MAP6: variants seen among roughly 807,000 people sequenced by gnomAD.
MAP6 encodes microtubule associated protein 6, also known as microtubule-associated protein 6.
A neutral mutation model predicts 42.4 loss-of-function variants in MAP6; 26 were observed. That is an observed-to-expected ratio of 0.61 (90% CI 0.45 to 0.85). The LOEUF (loss-of-function observed/expected upper bound fraction) is 0.85. MAP6 is among the 40% of genes least tolerant of loss of function. The probability of loss-of-function intolerance (pLI) is 0.00; values close to 1 mark genes in which losing one functional copy is unlikely to be tolerated. For missense variants in MAP6, 966 were observed against 1,099.0 expected (o/e 0.88, Z 1.71); for synonymous variants, 418 against 443.8 (o/e 0.94, Z 0.73).
chr11:75,611,282 C>T (rs895588327), intron 1 of MAP6, among the ~76,000 whole-genome samples: 2 of 152,260 alleles, frequency 1.3e-5, no homozygotes, highest in East Asian at 3.8e-4. Flanking sequence ...CGCACCCCTG[C>T]CCACTTTCAG....
intron 1 of MAP6, among the ~76,000 whole-genome samples, chr11:75,629,689 A>T (rs1320870727): frequency 1.3e-5 from 2 of 152,212 alleles, no homozygotes; most frequent in Non-Finnish European, 2.9e-5. Context: ...TATAAACTGC[A>T]GTGTCATAAC....
At position 75,587,662 on chromosome 11, in the gene MAP6, A is replaced by G; in HGVS notation, c.1839T>C (p.Pro613=). The G allele has an allele frequency of 6.2e-7, 1 of 1,613,972 alleles. No individual in the cohort carries two copies. The highest frequency in any genetic ancestry group is 8.5e-7 in the Non-Finnish European group (1 of 1,179,994). ...VKDQGPIVPA[P]VKGEGPIVPA... The stretch of plus-strand genomic sequence containing the variant: ...GGACTATGGGACCTTCACCCTTGAC[A>G]GGTGCTGGGACTATGGGACCTTGAT... The change falls in exon 4 of 4, where the codon CCT becomes CCC. Residue 613 remains proline (P), a synonymous_variant. Transcript: ENST00000304771.
At chr11:75,657,629 A>T (rs781525915) in intron 1 of MAP6, among the ~76,000 whole-genome samples, 2 of 152,226 alleles carry the variant, frequency 1.3e-5, no homozygotes, top group African/African-American at 2.4e-5. Context: ...TTAAAGCAAC[A>T]CAGATTTATC....
chr11:75,607,970 T>C (rs187701451), intron 2 of MAP6, 139 bp downstream of exon 2: 4 of 743,336 alleles, frequency 5.4e-6, no homozygotes, highest in Non-Finnish European at 6.6e-6. Flanking sequence ...TGGGTCTCAG[T>C]GTGCTTTAGA....
chr11:75,616,011 G>C (rs1387170854), intron 1 of MAP6, among the ~76,000 whole-genome samples: 1 of 152,096 alleles, frequency 6.6e-6, no homozygotes, highest in Non-Finnish European at 1.5e-5. Context: ...AAAGAACAGA[G>C]GGGAGGCTGT....
At chr11:75,646,832 A>G (rs948381198) in intron 1 of MAP6, among the ~76,000 whole-genome samples, 4 of 152,212 alleles carry the variant, frequency 2.6e-5, no homozygotes, top group East Asian at 1.9e-4. Flanking sequence ...GTAAAATATT[A>G]GTAGATATGG....
intron 1 of MAP6, among the ~76,000 whole-genome samples, chr11:75,635,665 A>G (rs1943356522): frequency 6.6e-6 from 1 of 152,242 alleles, no homozygotes; most frequent in Non-Finnish European, 1.5e-5. Flanking sequence ...GCCTTCTCAC[A>G]GTCTGAGGAC....
chr11:75,614,098 T>C (rs1942954625), intron 1 of MAP6, among the ~76,000 whole-genome samples: 2 of 152,202 alleles, frequency 1.3e-5, no homozygotes, highest in Non-Finnish European at 2.9e-5. Context: ...CACTGTGCTA[T>C]ATTTTACCTC....
At chr11:75,614,750 T>TA (rs1403232860) in intron 1 of MAP6, among the ~76,000 whole-genome samples, 3 of 152,246 alleles carry the variant, frequency 2.0e-5, no homozygotes, top group Non-Finnish European at 4.4e-5. Context: ...ATGGCTAAGT[T>TA]TTGGAGTAAT....
At position 75,619,535 on chromosome 11, in the gene MAP6, G is replaced by A. The variant is rs544386560; in HGVS notation, c.906-11213C>T. 1.6e-3 allele frequency among the ~76,000 whole-genome samples: 240 copies of A among 152,220 alleles called. 1 individual carries two copies. Among genetic ancestry groups the A allele is most frequent in the African/African-American group, 5.6e-3 (232 of 41,520 alleles). On this transcript the variant is annotated intron_variant, in intron 1 of 3. Transcript: ENST00000304771. The stretch of plus-strand genomic sequence containing the variant: ...CTTCCACCTTCTGATAGGCCCCAGT[G>A]TGTGCTGTACCCCTCTATGTGTTCA...
At chr11:75,637,200 C>G (rs1181360410) in intron 1 of MAP6, among the ~76,000 whole-genome samples, 2 of 152,178 alleles carry the variant, frequency 1.3e-5, no homozygotes, top group African/African-American at 4.8e-5. Context: ...AATTTTAAAT[C>G]AATTTTCAAG....
intron 1 of MAP6, chr11:75,642,943 A>G: frequency 2.2e-6 from 1 of 453,518 alleles, no homozygotes; most frequent in Non-Finnish European, 4.6e-6. Flanking sequence ...GGTTAAAAAA[A>G]ATTCATGTCA....
At position 75,587,570 on chromosome 11, in the gene MAP6, G is replaced by A; in HGVS notation, c.1931C>T (p.Pro644Leu). 6.2e-7 allele frequency: 1 copy of A among 1,614,188 alleles called. No homozygotes were observed. Among genetic ancestry groups the A allele is most frequent in the East Asian group, 2.2e-5 (1 of 44,884 alleles). Reference protein sequence around the residue: ...APIKDQDPMVPEHPKDESAMA... With the variant: ...APIKDQDPMVLEHPKDESAMA... ...GGCACTTTCATCCTTCGGATGCTCT[G>A]GGACCATGGGATCTTGATCCTTGAT... Residue 644 changes from proline (P) to leucine (L), a missense_variant, in exon 4 of 4, where the codon CCA (proline) becomes CTA (leucine). Around this residue, in one of 2 missense-constraint regions of MAP6, gnomAD observed 943 missense variants for 1,049.9 expected, o/e 0.90. Coordinates refer to ENST00000304771, the MANE Select transcript of MAP6 (RefSeq NM_033063.2).
chr11:75,592,005 G>A (rs1288926819), intron 3 of MAP6, among the ~76,000 whole-genome samples: 2 of 152,242 alleles, frequency 1.3e-5, no homozygotes, highest in East Asian at 3.8e-4. Flanking sequence ...TGCGTCTGTT[G>A]CCTTATGTCA....
At chr11:75,591,741 C>T (rs900202016) in intron 3 of MAP6, among the ~76,000 whole-genome samples, 8 of 152,346 alleles carry the variant, frequency 5.3e-5, no homozygotes, top group Admixed American at 4.6e-4. Flanking sequence ...AGTACAATGA[C>T]CTGCTGGGCT....
At position 75,668,318 on chromosome 11, in the gene MAP6, G is replaced by A; in HGVS notation, c.52C>T (p.Gln18Ter). Reference sequence around the variant, plus strand: ...ACAGCGATGTCCGCTTTGTCCAACTGGTTCCAGAAGCGGGCGATGCAGCAG... The same window carrying A: ...ACAGCGATGTCCGCTTTGTCCAACTAGTTCCAGAAGCGGGCGATGCAGCAG... ...RACCIARFWN[Q>*]LDKADIAVPL... The change falls in exon 1 of 4, where the codon CAG becomes TAG. Residue 18 changes from glutamine (Q) to a stop codon, truncating the protein, a stop_gained. Transcript: ENST00000304771. LOFTEE classifies it high-confidence loss of function. 3 of 1,577,790 alleles carry A rather than the reference G, an allele frequency of 1.9e-6. No individual in the cohort carries two copies. Among genetic ancestry groups the A allele is most frequent in the Non-Finnish European group, 2.6e-6 (3 of 1,169,618 alleles).
chr11:75,627,611 G>A (rs373044371), intron 1 of MAP6, among the ~76,000 whole-genome samples: 15 of 152,282 alleles, frequency 9.9e-5, no homozygotes, highest in African/African-American at 2.4e-4. Context: ...GGTGATGATC[G>A]TGAAGGTAGA....
chr11:75,650,394 C>A (rs1943627959), intron 1 of MAP6, among the ~76,000 whole-genome samples: 1 of 152,194 alleles, frequency 6.6e-6, no homozygotes, highest in Non-Finnish European at 1.5e-5. Flanking sequence ...TCTGTTAGCA[C>A]CTTGTACTTT....
At chr11:75,610,954 C>G (rs959965013) in intron 1 of MAP6, among the ~76,000 whole-genome samples, 1 of 152,152 alleles carries the variant, frequency 6.6e-6, no homozygotes, top group Non-Finnish European at 1.5e-5. Context: ...CACACCCCAG[C>G]AACAAGGCTG....
Sources: gnomAD v4.1 joint callset for allele counts (sites outside exome capture counted in the v4.1 genomes callset) on GRCh38, gnomAD v4.1.1 for gene constraint, gnomAD v4.1.1 regional missense constraint, MANE v1.5 for transcripts, NCBI Gene and HGNC (gene_info 2026-07-23, HGNC 2026-07-21) for gene names.